Variants in MACROD2 observed in about 807,000 individuals in gnomAD.
The protein encoded by MACROD2 is mono-ADP ribosylhydrolase 2, also known as ADP-ribose glycohydrolase MACROD2.
In MACROD2, 36 loss-of-function variants were observed where a neutral mutation model predicts 70.4. The ratio of observed to expected loss-of-function variants is 0.51; its 90% CI spans 0.39 to 0.68. The LOEUF is 0.68. MACROD2 is among the 30% of genes least tolerant of loss of function. The pLI, the probability that MACROD2 is intolerant of heterozygous loss-of-function variation, is 0.00. For missense variants in MACROD2, 496 were observed against 538.4 expected (o/e 0.92, Z 0.78); for synonymous variants, 172 against 178.8 (o/e 0.96, Z 0.30).
chr20:15,004,476 C>G (rs1351833154), intron 5 of MACROD2, among the ~76,000 whole-genome samples: 2 of 152,202 alleles, frequency 1.3e-5, no homozygotes, highest in Admixed American at 6.5e-5. Flanking sequence ...ACTAAGTACA[C>G]AGGGCTATTT....
intron 13 of MACROD2, among the ~76,000 whole-genome samples, chr20:15,969,412 A>G (rs1264224734): frequency 2.6e-4 from 39 of 152,204 alleles, no homozygotes; most frequent in Admixed American, 2.6e-3. Context: ...TTATGAACAC[A>G]AAGTATTAGA....
intron 5 of MACROD2, among the ~76,000 whole-genome samples, chr20:15,217,325 G>A (rs16995448): frequency 0.013 from 2,015 of 152,220 alleles, 22 homozygotes; most frequent in Middle Eastern, 0.034. Context: ...CCAGGTACTC[G>A]ACTTGATGCT....
At chr20:14,132,390 G>A (rs1441503385) in intron 3 of MACROD2, among the ~76,000 whole-genome samples, 1 of 152,042 alleles carries the variant, frequency 6.6e-6, no homozygotes, top group African/African-American at 2.4e-5. Flanking sequence ...AGTAAATGCT[G>A]AAATGTATGT....
At chr20:14,889,420 A>T (rs1239084859) in intron 5 of MACROD2, among the ~76,000 whole-genome samples, 1 of 152,156 alleles carries the variant, frequency 6.6e-6, no homozygotes, top group Non-Finnish European at 1.5e-5. Flanking sequence ...TAAATGGAGA[A>T]AAAAAGGAGA....
In MACROD2 at chr20:15,931,667, T is replaced by C. The variant is rs528343247; in HGVS notation, c.776-1609T>C. On this transcript the variant is annotated intron_variant, in intron 10 of 17. Coordinates refer to ENST00000684519, the MANE Select transcript of MACROD2 (RefSeq NM_001351661.2). ...CTATTAAAAAAAAAAAAAGTAGTTATATTGTGTCCACCGTCACAAACGGCA... is the reference window on the plus strand; with the variant it reads ...CTATTAAAAAAAAAAAAAGTAGTTACATTGTGTCCACCGTCACAAACGGCA... 3.9e-5 allele frequency among the ~76,000 whole-genome samples: 6 copies of C among 152,088 alleles called. No individual in the cohort carries two copies. The South Asian group carries it at 1.0e-3, about 26-fold the overall frequency.
intron 10 of MACROD2, among the ~76,000 whole-genome samples, chr20:15,907,374 A>G (rs904177806): frequency 6.6e-6 from 1 of 152,226 alleles, no homozygotes; most frequent in African/African-American, 2.4e-5. Flanking sequence ...GCTGTGGCCA[A>G]GAGATCAAAT....
intron 5 of MACROD2, among the ~76,000 whole-genome samples, chr20:15,110,355 G>A (rs2075945230): frequency 6.6e-6 from 1 of 152,126 alleles, no homozygotes; most frequent in African/African-American, 2.4e-5. Context: ...ACATCAAGAT[G>A]AGTAAAGATC....
intron 5 of MACROD2, among the ~76,000 whole-genome samples, chr20:15,006,652 T>C (rs2122918485): frequency 6.6e-6 from 1 of 152,150 alleles, no homozygotes; most frequent in East Asian, 1.9e-4. Flanking sequence ...CTGAAAAAAA[T>C]ACACACAAAT....
chr20:14,119,749 T>G (rs2054560917), intron 3 of MACROD2, among the ~76,000 whole-genome samples: 1 of 152,186 alleles, frequency 6.6e-6, no homozygotes. Flanking sequence ...GTACTTATAT[T>G]TGTTGCCTGA....
chr20:15,672,266 T>C (rs2049989983), intron 8 of MACROD2, among the ~76,000 whole-genome samples: 1 of 151,996 alleles, frequency 6.6e-6, no homozygotes, highest in Non-Finnish European at 1.5e-5. Context: ...TCATTCCTCC[T>C]GTCAAGAACT....
intron 3 of MACROD2, among the ~76,000 whole-genome samples, chr20:14,418,390 C>T (rs557658978): frequency 2.6e-5 from 4 of 152,026 alleles, no homozygotes; most frequent in East Asian, 3.8e-4. Context: ...GAAGTGAGAA[C>T]GGGCCAATTT....
chr20:14,537,232 C>T (rs1490194947), intron 4 of MACROD2, among the ~76,000 whole-genome samples: 1 of 152,136 alleles, frequency 6.6e-6, no homozygotes, highest in African/African-American at 2.4e-5. Flanking sequence ...CAAAACCTGA[C>T]ACAGTGACTC....
intron 4 of MACROD2, among the ~76,000 whole-genome samples, chr20:14,654,763 G>A (rs761866169): frequency 1.2e-4 from 18 of 152,128 alleles, no homozygotes; most frequent in Non-Finnish European, 8.8e-5. Context: ...GTTTCCGACA[G>A]CACTGTAGAA....
At chr20:15,666,872 G>A (rs2049905483) in intron 8 of MACROD2, among the ~76,000 whole-genome samples, 2 of 127,230 alleles carry the variant, frequency 1.6e-5, no homozygotes, top group African/African-American at 5.8e-5. Flanking sequence ...ATGGGGGAAG[G>A]GATATTTTCC....
rs563164210 is a variant in MACROD2 at position 16,026,970 on chromosome 20, G to A, written c.1154-14231G>A. Among the ~76,000 whole-genome samples the A allele has an allele frequency of 2.0e-5, 3 of 152,222 alleles. No homozygotes were observed. The South Asian group carries it at 6.2e-4, about 32-fold the overall frequency. ...AGGTGTGTGTATGTGTTTGCTCTGG[G>A]AGTAATTAACTCTCAGAAGGCATAA... On this transcript the variant is annotated intron_variant, in intron 15 of 17. Coordinates refer to ENST00000684519, the MANE Select transcript of MACROD2 (RefSeq NM_001351661.2).
chr20:15,031,967 C>T (rs1044522044), intron 5 of MACROD2, among the ~76,000 whole-genome samples: 6 of 152,170 alleles, frequency 3.9e-5, no homozygotes, highest in Admixed American at 6.5e-5. Flanking sequence ...CCGAGCTGAC[C>T]GCCCCCGCTG....
At chr20:14,713,448 A>C (rs1288563366) in intron 5 of MACROD2, among the ~76,000 whole-genome samples, 1 of 152,054 alleles carries the variant, frequency 6.6e-6, no homozygotes, top group Non-Finnish European at 1.5e-5. Context: ...GTAAATCCAG[A>C]CTTATCACTG....
intron 8 of MACROD2, among the ~76,000 whole-genome samples, chr20:15,687,556 A>G (rs984920917): frequency 6.6e-6 from 1 of 152,086 alleles, no homozygotes; most frequent in Non-Finnish European, 1.5e-5. Context: ...CTGTCATGCC[A>G]TACTCTGAAT....
chr20:15,242,211 G>A (rs549465099), intron 6 of MACROD2, among the ~76,000 whole-genome samples: 19 of 152,142 alleles, frequency 1.2e-4, no homozygotes, highest in East Asian at 5.8e-4. Context: ...AACTATAGGC[G>A]GACCTCCAAA....
Sources: gnomAD v4.1 joint callset for allele counts (sites outside exome capture counted in the v4.1 genomes callset) on GRCh38, gnomAD v4.1.1 for gene constraint, MANE v1.5 for transcripts, NCBI Gene and HGNC (gene_info 2026-07-23, HGNC 2026-07-21) for gene names.